KCTD9: variants seen among roughly 807,000 people sequenced by gnomAD.
KCTD9 encodes the protein potassium channel tetramerization domain containing 9.
A neutral mutation model predicts 53.3 loss-of-function variants in KCTD9; 17 were observed. The ratio of observed to expected loss-of-function variants is 0.32; its 90% confidence interval spans 0.22 to 0.48. The LOEUF is 0.48. Ranked by LOEUF, KCTD9 falls within the 20% of genes least tolerant of loss-of-function variation. The pLI is 0.99. For synonymous variants in KCTD9, 128 were observed against 162.7 expected (o/e 0.79, Z 1.62); for missense variants, 179 against 465.5 (o/e 0.38, Z 5.66).
chr8:25,429,912 C>G lies in KCTD9; in HGVS notation c.1115G>C (p.Gly372Ala). The change falls in exon 12 of 12, where the codon GGA becomes GCA. Residue 372 changes from glycine to alanine, a missense_variant. Physicochemically the swap from Gly to Ala is moderately conservative, Grantham distance 60. Coordinates refer to ENST00000221200, the MANE Select transcript of KCTD9 (RefSeq NM_017634.4). ...TGTCAGCATCTCTTCAAATATAGCTCCCTTCACGTTGGACCCTCTCAGGTT... is the reference window on the plus strand; with the variant it reads ...TGTCAGCATCTCTTCAAATATAGCTGCCTTCACGTTGGACCCTCTCAGGTT... ...EANLRGSNVK[G>A]AIFEEMLTPL... 1 of 1,610,996 alleles carries G rather than the reference C, an allele frequency of 6.2e-7. No individual in the cohort carries two copies. Among genetic ancestry groups the G allele is most frequent in the Non-Finnish European group, 8.5e-7 (1 of 1,177,310 alleles).
chr8:25,455,244 T>A lies in KCTD9; in HGVS notation c.48+2955A>T, dbSNP rs922066178. ...CGTCTCAAAAAATAATAATAATAAATAATAAATAAATAAATAAAAGTAAAA... is the reference window on the plus strand; with the variant it reads ...CGTCTCAAAAAATAATAATAATAAAAAATAAATAAATAAATAAAAGTAAAA... On this transcript the variant is annotated intron_variant, in intron 1 of 11. Transcript: ENST00000221200. Among the ~76,000 whole-genome samples the A allele has an allele frequency of 6.0e-5, 9 of 150,716 alleles. No homozygotes were observed. In the East Asian group the frequency reaches 1.2e-3, roughly 19 times the overall value.
intron 6 of KCTD9, among the ~76,000 whole-genome samples, chr8:25,438,215 A>G (rs1802055557): frequency 6.6e-6 from 1 of 152,202 alleles, no homozygotes; most frequent in African/African-American, 2.4e-5. Flanking sequence ...GCTATCAATA[A>G]TTTGAAGAAA....
chr8:25,439,229 C>CA (rs1802074068), intron 6 of KCTD9, 50 bp downstream of exon 6: 4 of 1,375,578 alleles, frequency 2.9e-6, no homozygotes, highest in Non-Finnish European at 3.0e-6. Flanking sequence ...CTTAAACTTA[C>CA]AAAAATGTGA....
At chr8:25,446,547 G>A (rs1353565361) in intron 1 of KCTD9, among the ~76,000 whole-genome samples, 1 of 152,170 alleles carries the variant, frequency 6.6e-6, no homozygotes, top group African/African-American at 2.4e-5. Flanking sequence ...TCGATCTAGA[G>A]TCTGACATTT....
In KCTD9 at chr8:25,428,392, A is replaced by G. The variant is rs941509858; in HGVS notation, c.*1465T>C. ...ATATGTACCCTTTACTGTTAAGGAA[A>G]GCTTTGCATATGTAGATATAGAAGA... On this transcript the variant is annotated 3_prime_UTR_variant, in exon 12 of 12. Coordinates refer to ENST00000221200, the MANE Select transcript of KCTD9 (RefSeq NM_017634.4). 17 of 152,680 alleles carry G rather than the reference A, an allele frequency of 1.1e-4. No individual in the cohort carries two copies. The Middle Eastern group carries it at 0.017, about 153-fold the overall frequency. The allele number at this position is 152,680 out of a possible 1,614,324, so 9.5% of individuals were successfully genotyped here.
rs1444928845 is a variant in KCTD9, at chr8:25,428,412, A to G, written c.*1445T>C. The G allele has an allele frequency of 6.6e-6, 1 of 152,602 alleles. No individual in the cohort carries two copies. Among genetic ancestry groups the G allele is most frequent in the Admixed American group, 6.5e-5 (1 of 15,274 alleles). 9.5% of individuals were successfully genotyped at this position (152,602 alleles called of 1,614,324 possible). A position where few individuals can be genotyped will look rare whatever the true frequency, so the allele number is the denominator to read the frequency against. On this transcript the variant is annotated 3_prime_UTR_variant, in exon 12 of 12. Transcript: ENST00000221200. ...AGGAAAGCTTTGCATATGTAGATAT[A>G]GAAGAATAAGCTACGTAAATACTAA...
At chr8:25,455,604 T>C (rs998501926) in intron 1 of KCTD9, among the ~76,000 whole-genome samples, 48 of 152,338 alleles carry the variant, frequency 3.2e-4, no homozygotes, top group African/African-American at 1.1e-3. Context: ...TAATTAATAT[T>C]GTCTCAAGCT....
At chr8:25,447,963 C>CA (rs564719507) in intron 1 of KCTD9, among the ~76,000 whole-genome samples, 1 of 151,784 alleles carries the variant, frequency 6.6e-6, no homozygotes, top group Non-Finnish European at 1.5e-5. Flanking sequence ...ATGGTCTCTA[C>CA]AAAAAAATAC....
chr8:25,433,479 T>G (rs779490469), intron 9 of KCTD9, 44 bp from the exon 10 acceptor site: 3 of 1,175,044 alleles, frequency 2.6e-6, no homozygotes, highest in African/African-American at 3.1e-5. Flanking sequence ...GTTCATAATT[T>G]TGTTCAAATT....
intron 1 of KCTD9, among the ~76,000 whole-genome samples, chr8:25,447,240 A>C (rs1364791614): frequency 6.6e-6 from 1 of 152,056 alleles, no homozygotes; most frequent in East Asian, 1.9e-4. Context: ...CTAAAATACA[A>C]AAATCAGCCA....
rs1445135711 is a variant in KCTD9, at chr8:25,439,636, T to C, written c.340A>G (p.Ser114Gly). 4.3e-6 allele frequency: 7 copies of C among 1,614,006 alleles called. No homozygotes were observed. The highest frequency in any genetic ancestry group is 1.3e-5 in the African/African-American group (1 of 74,934). The change falls in exon 5 of 12, where the codon AGT becomes GGT. Residue 114 changes from serine to glycine, a missense_variant. Coordinates refer to ENST00000221200, the MANE Select transcript of KCTD9 (RefSeq NM_017634.4). ...RSTLVNKEPDSMLAHMFKDKG... is the reference protein window; with the variant it reads ...RSTLVNKEPDGMLAHMFKDKG... ...TCCTTAAACATGTGGGCCAGCATAC[T>C]GTCAGGTTCTTTATTCACTAAAGTG...
rs534901964 is a variant in KCTD9 at position 25,435,436 on chromosome 8, C to T, written c.740G>A (p.Arg247His). The T allele has an allele frequency of 6.8e-6, 11 of 1,612,346 alleles. No homozygotes were observed. The highest frequency in any genetic ancestry group is 4.0e-5 in the African/African-American group (3 of 74,962). The stretch of plus-strand genomic sequence containing the variant: ...AAGATTTGCATGTGCAAGATTACAG[C>T]GGCTTAAATTGGCCATTTTGAAGTT... ...YINFKMANLSRCNLAHANLCC... is the reference protein window; with the variant it reads ...YINFKMANLSHCNLAHANLCC... Residue 247 changes from arginine (R) to histidine (H), a missense_variant, in exon 9 of 12, where the codon CGC (arginine) becomes CAC (histidine). Around this residue, in one of 4 missense-constraint regions of KCTD9, gnomAD observed 32 missense variants for 55.7 expected, o/e 0.57. Coordinates refer to ENST00000221200, the MANE Select transcript of KCTD9 (RefSeq NM_017634.4).
In KCTD9 at chr8:25,428,322, G is replaced by C. The variant is rs981082721; in HGVS notation, c.*1535C>G. On this transcript the variant is annotated 3_prime_UTR_variant, in exon 12 of 12. Transcript: ENST00000221200. ...GCAAAGAAAATAATTCATTTCTGAA[G>C]TTGCTTTCCTTCACTTGTAAAGGTC... 6 of 152,536 alleles carry C rather than the reference G, an allele frequency of 3.9e-5. No individual in the cohort carries two copies. The highest frequency in any genetic ancestry group is 1.4e-4 in the African/African-American group (6 of 41,402). 9.4% of individuals were successfully genotyped at this position (152,536 alleles called of 1,614,324 possible). A position where few individuals can be genotyped will look rare whatever the true frequency, so the allele number is the denominator to read the frequency against.
intron 2 of KCTD9, 131 bp downstream of exon 2, chr8:25,445,998 A>T: frequency 8.6e-7 from 1 of 1,162,564 alleles, no homozygotes; most frequent in Non-Finnish European, 1.2e-6. Context: ...AATTCCAAAG[A>T]GCAAATTCTA....
chr8:25,447,835 GA>G (rs1233424199), intron 1 of KCTD9, among the ~76,000 whole-genome samples: 2 of 152,064 alleles, frequency 1.3e-5, no homozygotes, highest in African/African-American at 4.8e-5. Context: ...TCAGCAATAA[GA>G]AACAATGAGG....
At chr8:25,450,002 T>C (rs11135864) in intron 1 of KCTD9, among the ~76,000 whole-genome samples, 146,342 of 152,262 alleles carry the variant, frequency 0.96, 70,547 homozygotes, top group East Asian at 1. Flanking sequence ...TGTGACCAGA[T>C]GATAGAAAAA....
intron 1 of KCTD9, among the ~76,000 whole-genome samples, chr8:25,453,239 T>C (rs922072287): frequency 4.0e-5 from 6 of 151,648 alleles, no homozygotes; most frequent in Non-Finnish European, 8.8e-5. Flanking sequence ...TGCCTGTAAT[T>C]CCAGCTACTC....
chr8:25,431,938 C>G (rs1212084730), intron 11 of KCTD9, among the ~76,000 whole-genome samples: 1 of 152,162 alleles, frequency 6.6e-6, no homozygotes, highest in Non-Finnish European at 1.5e-5. Flanking sequence ...AGCCAAATCT[C>G]AAGCGCTCAA....
intron 1 of KCTD9, among the ~76,000 whole-genome samples, chr8:25,454,936 T>C (rs573925483): frequency 4.8e-4 from 73 of 152,282 alleles, no homozygotes; most frequent in African/African-American, 1.6e-3. Context: ...ACTTTAAACA[T>C]TAAAATAAGC....
Sources: allele counts gnomAD v4.1 joint callset (sites outside exome capture counted in the v4.1 genomes callset), GRCh38; gene constraint gnomAD v4.1.1; regional missense constraint gnomAD v4.1.1; transcripts MANE v1.5; gene names NCBI Gene and HGNC (gene_info 2026-07-23, HGNC 2026-07-21).